AATK: variants seen among roughly 807,000 people sequenced by gnomAD.
AATK encodes serine/threonine-protein kinase LMTK1.
A neutral mutation model predicts 114.3 loss-of-function variants in AATK; 91 were observed. The ratio of observed to expected loss-of-function variants is 0.80; its 90% confidence interval spans 0.67 to 0.95. The LOEUF is 0.95. AATK is among the 40% of genes least tolerant of loss of function. The pLI is 0.00. For synonymous variants in AATK, 1,075 were observed against 916.5 expected (o/e 1.17, Z -3.12); for missense variants, 2,176 against 1,965.2 (o/e 1.11, Z -2.03).
intron 1 of AATK, among the ~76,000 whole-genome samples, chr17:81,138,991 A>G (rs1347784305): frequency 6.6e-6 from 1 of 151,030 alleles, no homozygotes; most frequent in Non-Finnish European, 1.5e-5. Flanking sequence ...ACACGTGCGT[A>G]CACACGCATG....
intron 9 of AATK, among the ~76,000 whole-genome samples, chr17:81,124,242 G>GCC (rs2060756349): frequency 6.9e-6 from 1 of 143,902 alleles, no homozygotes; most frequent in East Asian, 2.1e-4. Context: ...TCCCCTGGCG[G>GCC]CTCGGCCCTG....
intron 3 of AATK, among the ~76,000 whole-genome samples, chr17:81,129,342 C>T (rs951185357): frequency 6.6e-6 from 1 of 152,126 alleles, no homozygotes; most frequent in South Asian, 2.1e-4. Context: ...CCTGTCTGGG[C>T]GGCCCTCTCT....
In AATK at chr17:81,126,338, C is replaced by G; in HGVS notation, c.755+89G>C. ...ATGAACCTGGCCGGTCCTCGCAAGCCCCCTGAGGCAGGACCCGCCCTATGC... is the reference window on the plus strand; with the variant it reads ...ATGAACCTGGCCGGTCCTCGCAAGCGCCCTGAGGCAGGACCCGCCCTATGC... On this transcript the variant is annotated intron_variant, in intron 7 of 13. Coordinates refer to ENST00000326724, the MANE Select transcript of AATK (RefSeq NM_001080395.3). This position sits in a 1 kb window ranked among gnomAD's most constrained non-coding sequence, Gnocchi z 5.1. 1 of 1,449,558 alleles carries G rather than the reference C, an allele frequency of 6.9e-7. No homozygotes were observed. The highest frequency in any genetic ancestry group is 2.5e-4 in the Middle Eastern group (1 of 4,032). 89.8% of individuals were successfully genotyped at this position (1,449,558 alleles called of 1,614,324 possible).
chr17:81,137,574 T>G (rs930785370), intron 1 of AATK, among the ~76,000 whole-genome samples: 3 of 152,126 alleles, frequency 2.0e-5, no homozygotes, highest in Non-Finnish European at 4.4e-5. Context: ...TGTCAGCTTG[T>G]AAGACAGACC....
chr17:81,140,538 G>A (rs1370566665), intron 1 of AATK, among the ~76,000 whole-genome samples: 6 of 152,002 alleles, frequency 3.9e-5, no homozygotes, highest in African/African-American at 7.3e-5. Flanking sequence ...GACGTGAGGC[G>A]GGGCCATTAG....
chr17:81,159,863 G>T (rs1220842306), intron 1 of AATK, among the ~76,000 whole-genome samples: 1 of 152,094 alleles, frequency 6.6e-6, no homozygotes, highest in East Asian at 1.9e-4. Flanking sequence ...CAGCTGGCCA[G>T]GGCTACCCGA....
intron 1 of AATK, among the ~76,000 whole-genome samples, chr17:81,156,523 G>A (rs549451633): frequency 2.6e-5 from 4 of 151,968 alleles, no homozygotes; most frequent in Admixed American, 1.3e-4. Flanking sequence ...TCAGCCTCCC[G>A]AGGAGCTGGG....
intron 1 of AATK, among the ~76,000 whole-genome samples, chr17:81,165,002 C>T (rs574481376): frequency 1.3e-5 from 2 of 152,368 alleles, no homozygotes; most frequent in African/African-American, 4.8e-5. Context: ...GGGAAGGAGA[C>T]ACAGGAGATC....
intron 1 of AATK, among the ~76,000 whole-genome samples, chr17:81,138,213 GCA>G (rs777331541): frequency 6.7e-5 from 9 of 133,648 alleles, no homozygotes; most frequent in East Asian, 4.5e-4. Flanking sequence ...ACCCCCACAT[GCA>G]CACATATCCA....
At chr17:81,141,566 GGC>G (rs1644648193) in intron 1 of AATK, among the ~76,000 whole-genome samples, 1 of 152,218 alleles carries the variant, frequency 6.6e-6, no homozygotes, top group African/African-American at 2.4e-5. Context: ...CCTTCCAAGG[GGC>G]TCCCCAGCAA....
At chr17:81,155,370 AC>A (rs2146402858) in intron 1 of AATK, among the ~76,000 whole-genome samples, 1 of 148,358 alleles carries the variant, frequency 6.7e-6, no homozygotes, top group Non-Finnish European at 1.5e-5. Flanking sequence ...CCTTTTTAAT[AC>A]ATTTTACCTA....
chr17:81,138,760 C>T (rs1473043715), intron 1 of AATK, among the ~76,000 whole-genome samples: 1 of 151,090 alleles, frequency 6.6e-6, no homozygotes, highest in Non-Finnish European at 1.5e-5. Context: ...CACGCGCATG[C>T]ACACCCACAT....
intron 9 of AATK, 55 bp from the exon 10 acceptor site, chr17:81,123,398 C>A: frequency 7.7e-7 from 1 of 1,306,034 alleles, no homozygotes; most frequent in Non-Finnish European, 9.7e-7. Context: ...CAGCAAGGAC[C>A]GCGCAGGATC....
chr17:81,160,286 G>T (rs1403538816), intron 1 of AATK: 1 of 984,718 alleles, frequency 1.0e-6, no homozygotes, highest in Admixed American at 6.1e-5. Flanking sequence ...TGTAACCCCA[G>T]AGTGACCCCC....
chr17:81,127,054 G>A (rs2060842985), intron 6 of AATK, among the ~76,000 whole-genome samples: 2 of 149,892 alleles, frequency 1.3e-5, no homozygotes, highest in Admixed American at 1.3e-4. Flanking sequence ...GTGGAAGGGG[G>A]TGGGGGGCAG....
chr17:81,145,733 CAAAAA>C (rs11332251), intron 1 of AATK, among the ~76,000 whole-genome samples: 1 of 71,144 alleles, frequency 1.4e-5, no homozygotes, highest in Non-Finnish European at 2.7e-5. Context: ...AACTCCATCT[CAAAAA>C]AAAAAAAAAA....
At position 81,122,114 on chromosome 17, in the gene AATK, G is replaced by T. The variant is rs778129050; in HGVS notation, c.1822C>A (p.Arg608Ser). The part of the protein sequence containing the change: ...SLARDPLCPS[R>S]SPSPSAGPLS... The stretch of plus-strand genomic sequence containing the variant: ...GGCCCCGCCGAGGGCGAGGGAGAGC[G>T]TGAGGGGCAGAGCGGGTCCCGCGCC... The change falls in exon 11 of 14, where the codon CGC becomes AGC. Residue 608 changes from arginine to serine, a missense_variant. By Grantham distance (110) the Arg-to-Ser change is moderately radical (BLOSUM62 -1). Around this residue, in one of 4 missense-constraint regions of AATK, gnomAD observed 1,701 missense variants for 1,394.7 expected, o/e 1.22. Coordinates refer to ENST00000326724, the MANE Select transcript of AATK (RefSeq NM_001080395.3). 1 of 1,558,770 alleles carries T rather than the reference G, an allele frequency of 6.4e-7. No homozygotes were observed. Among genetic ancestry groups the T allele is most frequent in the South Asian group, 1.2e-5 (1 of 86,756 alleles).
intron 1 of AATK, among the ~76,000 whole-genome samples, chr17:81,140,552 G>A (rs1026601160): frequency 1.3e-5 from 2 of 150,462 alleles, no homozygotes; most frequent in Admixed American, 6.6e-5. Flanking sequence ...CCATTAGCCC[G>A]GATTGCCAGG....
chr17:81,158,211 C>A (rs1166509172), intron 1 of AATK, among the ~76,000 whole-genome samples: 2 of 152,246 alleles, frequency 1.3e-5, no homozygotes, highest in Non-Finnish European at 2.9e-5. Context: ...AAGCATCTCG[C>A]CAGACCCCGC....
Sources: gnomAD v4.1 joint callset for allele counts (sites outside exome capture counted in the v4.1 genomes callset) on GRCh38, gnomAD v4.1.1 for gene constraint, gnomAD v4.1.1 regional missense constraint, Gnocchi (gnomAD v3.1) non-coding constraint, MANE v1.5 for transcripts, NCBI Gene and HGNC (gene_info 2026-07-23, HGNC 2026-07-21) for gene names.